The following MAP3K10 variants were observed in gnomAD, a reference collection of about 807,000 sequenced individuals.
MAP3K10 encodes the protein MKN28 derived nonreceptor_type serine/threonine kinase.
In MAP3K10, 22 loss-of-function variants were observed where a neutral mutation model predicts 75.0. The observed-to-expected ratio is 0.29, with a 90% CI of 0.21 to 0.42. The LOEUF (loss-of-function observed/expected upper bound fraction) is 0.42. Ranked by LOEUF, MAP3K10 falls within the 10% of genes least tolerant of loss-of-function variation. The pLI, the probability that MAP3K10 is intolerant of heterozygous loss-of-function variation, is 1.00. For synonymous variants in MAP3K10, 599 were observed against 612.9 expected (o/e 0.98, Z 0.34); for missense variants, 1,165 against 1,379.8 (o/e 0.84, Z 2.47).
chr19:40,201,492 CTTTTT>C (rs36045799), intron 2 of MAP3K10, among the ~76,000 whole-genome samples: 1 of 113,366 alleles, frequency 8.8e-6, no homozygotes. Flanking sequence ...CGCACCCAGC[CTTTTT>C]TTTTTTTTTT....
rs1051466494 is a variant in MAP3K10 at position 40,191,805 on chromosome 19, A to T, written c.-227A>T. On this transcript the variant is annotated 5_prime_UTR_variant, in exon 1 of 10. Transcript: ENST00000253055. ...GGGGCACGGGTGAACCTGCCGCCCC[A>T]CTCCCACCCCGCCCCGCCCCGCCCG... 4.0e-5 allele frequency: 6 copies of T among 148,992 alleles called. No homozygotes were observed. The highest frequency in any genetic ancestry group is 1.8e-4 in the African/African-American group (6 of 32,736). The allele number at this position is 148,992 out of a possible 1,614,324, so 9.2% of individuals were successfully genotyped here. A position where few individuals can be genotyped will look rare whatever the true frequency, so the allele number is the denominator to read the frequency against.
At position 40,206,082 on chromosome 19, in the gene MAP3K10, A is replaced by G; in HGVS notation, c.1360A>G (p.Lys454Glu). The change falls in exon 5 of 10, where the codon AAG becomes GAG. Residue 454 changes from lysine (K) to glutamate (E), a missense_variant. Transcript: ENST00000253055. ...QLSQEKPRVR[K>E]RKGNFKRSRL... ...GAGCCAGGAGAAGCCCCGGGTCCGC[A>G]AGCGCAAGGGCAACTTCAAGCGCAG... 6.2e-7 allele frequency: 1 copy of G among 1,613,444 alleles called. No homozygotes were observed.
At chr19:40,206,266 A>AG in intron 5 of MAP3K10, 109 bp downstream of exon 5, 1 of 1,342,756 alleles carries the variant, frequency 7.4e-7, no homozygotes, top group Non-Finnish European at 1.0e-6. Context: ...TGCTAAATAT[A>AG]TCGCACATAG....
chr19:40,212,895 A>T lies in MAP3K10; in HGVS notation c.1643A>T (p.Glu548Val). 1 of 1,613,406 alleles carries T rather than the reference A, an allele frequency of 6.2e-7. No individual in the cohort carries two copies. The highest frequency in any genetic ancestry group is 1.1e-5 in the South Asian group (1 of 91,036). Residue 548 changes from glutamate (E) to valine (V), a missense_variant, in exon 7 of 10, where the codon GAA (glutamate) becomes GTA (valine). Transcript: ENST00000253055. The surrounding 1 kb of genome is among the most constrained non-coding windows in gnomAD (Gnocchi z 4.2). ...CGCGGTGGGCCCCCAAAGAAGGAAG[A>T]ACTGGTCGGGGGCAAGAAGAAGGGA... ...WSRGGPPKKE[E>V]LVGGKKKGRT...
At chr19:40,197,109 G>A (rs1972920895) in intron 1 of MAP3K10, among the ~76,000 whole-genome samples, 1 of 152,196 alleles carries the variant, frequency 6.6e-6, no homozygotes, top group Admixed American at 6.5e-5. Context: ...GTAAACTGAT[G>A]GAGGCTGGGC....
Position 40,215,565 on chromosome 19 carries a change from C to T in MAP3K10, c.*273C>T. On this transcript the variant is annotated 3_prime_UTR_variant, in exon 10 of 10. Coordinates refer to ENST00000253055, the MANE Select transcript of MAP3K10 (RefSeq NM_002446.4). Reference sequence around the variant, plus strand: ...ACAAAATGGAGCATTAAAGGTAACCCCTGCCCCCTACCGCACTTGATTGTG... The same window carrying T: ...ACAAAATGGAGCATTAAAGGTAACCTCTGCCCCCTACCGCACTTGATTGTG... 2 of 481,016 alleles carry T rather than the reference C, an allele frequency of 4.2e-6. No homozygotes were observed. Among genetic ancestry groups the T allele is most frequent in the Non-Finnish European group, 7.4e-6 (2 of 271,130 alleles). The allele number at this position is 481,016 out of a possible 1,614,324, so 29.8% of individuals were successfully genotyped here.
chr19:40,213,303 G>A lies in MAP3K10; in HGVS notation c.1837+115G>A. ...GGGCCAGTGAGTGGAAGGCCTTCCT[G>A]GGAAGGGAGATGGTGGCCCCTGGGG... On this transcript the variant is annotated intron_variant, in intron 8 of 9. Transcript: ENST00000253055. This position sits in a 1 kb window ranked among gnomAD's most constrained non-coding sequence, Gnocchi z 5.7. The A allele has an allele frequency of 3.4e-6, 5 of 1,451,522 alleles. No individual in the cohort carries two copies. The highest frequency in any genetic ancestry group is 2.9e-5 in the South Asian group (2 of 69,348). 89.9% of individuals were successfully genotyped at this position (1,451,522 alleles called of 1,614,324 possible).
intron 5 of MAP3K10, among the ~76,000 whole-genome samples, chr19:40,208,729 T>TC (rs1973181372): frequency 6.6e-6 from 1 of 151,170 alleles, no homozygotes. Context: ...AAACTCCAAT[T>TC]CCCCCATTGC....
At chr19:40,201,061 T>G (rs532316785) in intron 2 of MAP3K10, among the ~76,000 whole-genome samples, 1 of 151,962 alleles carries the variant, frequency 6.6e-6, no homozygotes, top group Non-Finnish European at 1.5e-5. Flanking sequence ...GAGAGAGGGG[T>G]GGATCATGCT....
At chr19:40,203,998 G>A (rs138418725) in intron 2 of MAP3K10, among the ~76,000 whole-genome samples, 2,295 of 152,272 alleles carry the variant, frequency 0.015, 40 homozygotes, top group African/African-American at 0.016. Flanking sequence ...ATGAAGTTGG[G>A]GTTAGAATGG....
Position 40,212,962 on chromosome 19 carries a change from G to A in MAP3K10, c.1710G>A (p.Val570=), listed in dbSNP as rs1478193749. 3.1e-6 allele frequency: 5 copies of A among 1,606,060 alleles called. No individual in the cohort carries two copies. The highest frequency in any genetic ancestry group is 1.7e-5 in the Admixed American group (1 of 59,490). ...GPSSTLQKER[V]GGEERLKGLG... is the part of the protein sequence containing the mutation. ...GCTCCACCCTGCAGAAGGAGCGGGT[G>A]GGAGGAGAGGAGAGGTGAGGTGTGG... is the stretch of plus-strand genomic sequence containing the variant. The change falls in exon 7 of 10, where the codon GTG becomes GTA. Residue 570 remains valine, a synonymous_variant. Transcript: ENST00000253055. The surrounding 1 kb of genome is among the most constrained non-coding windows in gnomAD (Gnocchi z 4.2).
At chr19:40,209,291 C>A in intron 6 of MAP3K10, 72 bp downstream of exon 6, 2 of 1,208,754 alleles carry the variant, frequency 1.7e-6, no homozygotes, top group Non-Finnish European at 1.2e-6. Flanking sequence ...ATGTTTATAC[C>A]TGGCACCAAG....
Position 40,213,863 on chromosome 19 carries a change from C to T in MAP3K10, c.2184C>T (p.His728=), listed in dbSNP as rs1244576031. ...GCCTCAGCCCACCCGCGCGTCCCCA[C>T]GGCCGCCGCGAAGACGTGGGCCCCG... ...PRGLSPPARP[H]GRREDVGPGL... Residue 728 remains histidine, a synonymous_variant, in exon 9 of 10, where the codon CAC becomes CAT. Transcript: ENST00000253055. This position sits in a 1 kb window ranked among gnomAD's most constrained non-coding sequence, Gnocchi z 5.7. 3 of 1,405,112 alleles carry T rather than the reference C, an allele frequency of 2.1e-6. No individual in the cohort carries two copies. Among genetic ancestry groups the T allele is most frequent in the South Asian group, 1.5e-5 (1 of 68,818 alleles). The allele number at this position is 1,405,112 out of a possible 1,614,324, so 87.0% of individuals were successfully genotyped here. A position where few individuals can be genotyped will look rare whatever the true frequency, so the allele number is the denominator to read the frequency against.
intron 2 of MAP3K10, among the ~76,000 whole-genome samples, chr19:40,201,251 A>C (rs1973013854): frequency 6.8e-6 from 1 of 147,838 alleles, no homozygotes; most frequent in Non-Finnish European, 1.5e-5. Context: ...TGGCTCACTG[A>C]AACCTCTGCC....
rs1346811524 is a variant in MAP3K10, at chr19:40,208,180, TG to T, written c.1436-922del. Among the ~76,000 whole-genome samples the T allele has an allele frequency of 2.0e-5, 3 of 151,944 alleles. No homozygotes were observed. The East Asian group carries it at 5.8e-4, about 30-fold the overall frequency. On this transcript the variant is annotated intron_variant, in intron 5 of 9. Transcript: ENST00000253055. ...TTGTTTGTTTTTTTGTTTTTGTTTT[TG>T]TTTTTTTTGAGATGGAGCCTCGCTC... is the stretch of plus-strand genomic sequence containing the variant.
At chr19:40,210,137 G>A (rs534278034) in intron 6 of MAP3K10, among the ~76,000 whole-genome samples, 96 of 152,266 alleles carry the variant, frequency 6.3e-4, no homozygotes, top group African/African-American at 2.0e-3. Context: ...TGCTGTGACA[G>A]GCACCTGTAG....
At chr19:40,206,211 G>A in intron 5 of MAP3K10, 54 bp downstream of exon 5, 21 of 1,523,334 alleles carry the variant, frequency 1.4e-5, no homozygotes, top group Non-Finnish European at 1.8e-5. Flanking sequence ...GAGCAGCCCC[G>A]ACCTAGGATT....
At chr19:40,203,628 C>T (rs771443680) in intron 2 of MAP3K10, among the ~76,000 whole-genome samples, 2 of 152,240 alleles carry the variant, frequency 1.3e-5, no homozygotes, top group Non-Finnish European at 1.5e-5. Context: ...TGTACCTGCT[C>T]ATCAGCTAAA....
In MAP3K10 at chr19:40,212,847, G is replaced by C; in HGVS notation, c.1595G>C (p.Ser532Thr). 6.2e-7 allele frequency: 1 copy of C among 1,606,214 alleles called. No individual in the cohort carries two copies. Among genetic ancestry groups the C allele is most frequent in the Non-Finnish European group, 8.5e-7 (1 of 1,177,172 alleles). The change falls in exon 7 of 10, where the codon AGT becomes ACT. Residue 532 changes from serine to threonine, a missense_variant. Ser to Thr is a moderately conservative substitution (Grantham distance 58). Transcript: ENST00000253055. This position sits in a 1 kb window ranked among gnomAD's most constrained non-coding sequence, Gnocchi z 4.2. ...GGTGGCAGCAGCAGTGGCAGCAGCAGTGGAGGAAGTGGGACATGGAGCCGC... is the reference window on the plus strand; with the variant it reads ...GGTGGCAGCAGCAGTGGCAGCAGCACTGGAGGAAGTGGGACATGGAGCCGC... ...DCGGSSSGSS[S>T]GGSGTWSRGG...
Sources: gnomAD v4.1 joint callset for allele counts (sites outside exome capture counted in the v4.1 genomes callset) on GRCh38, gnomAD v4.1.1 for gene constraint, Gnocchi (gnomAD v3.1) non-coding constraint, MANE v1.5 for transcripts, NCBI Gene and HGNC (gene_info 2026-07-23, HGNC 2026-07-21) for gene names.